The following PDE4D variants were observed in gnomAD, a reference collection of about 807,000 sequenced individuals.
PDE4D encodes the protein phosphodiesterase 4D.
In PDE4D, 24 loss-of-function variants were observed where a neutral mutation model predicts 87.4. That is an observed-to-expected ratio of 0.27 (90% CI 0.20 to 0.39). PDE4D has a LOEUF of 0.39. Among genes scored for constraint, PDE4D ranks in the 10% least tolerant of loss-of-function variants. The pLI, the probability that PDE4D is intolerant of heterozygous loss-of-function variation, is 1.00. For missense variants in PDE4D, 714 were observed against 1,041.0 expected (o/e 0.69, Z 4.32); for synonymous variants, 384 against 383.2 (o/e 1.00, Z -0.02).
chr5:60,327,874 T>A (rs1245396283), intron 1 of PDE4D, among the ~76,000 whole-genome samples: 1 of 152,120 alleles, frequency 6.6e-6, no homozygotes, highest in Admixed American at 6.6e-5. Context: ...ATTCAGTATA[T>A]GAAAATTCAT....
At chr5:59,681,066 T>A (rs1748916556) in intron 1 of PDE4D, among the ~76,000 whole-genome samples, 1 of 152,118 alleles carries the variant, frequency 6.6e-6, no homozygotes. Context: ...CTCCAAATTT[T>A]GATTTCTAAA....
chr5:60,220,664 A>G, intron 1 of PDE4D, among the ~76,000 whole-genome samples: 1 of 152,152 alleles, frequency 6.6e-6, no homozygotes, highest in East Asian at 1.9e-4. Flanking sequence ...TGCCATGAAC[A>G]TTGCAGAAAA....
At chr5:59,789,078 C>T (rs535466855) in intron 1 of PDE4D, among the ~76,000 whole-genome samples, 16 of 152,144 alleles carry the variant, frequency 1.1e-4, no homozygotes, top group Non-Finnish European at 1.9e-4. Flanking sequence ...TAGACAGCCA[C>T]GCGTTTTATA....
intron 1 of PDE4D, among the ~76,000 whole-genome samples, chr5:60,439,644 T>C (rs577219827): frequency 2.6e-5 from 4 of 152,254 alleles, no homozygotes; most frequent in African/African-American, 9.6e-5. Context: ...CATATCAAAT[T>C]GCTTTCTTTC....
At chr5:60,463,932 T>A (rs753743908) in intron 1 of PDE4D, among the ~76,000 whole-genome samples, 1 of 152,216 alleles carries the variant, frequency 6.6e-6, no homozygotes, top group African/African-American at 2.4e-5. Flanking sequence ...AATTTTAGAA[T>A]GGTTCCTCTT....
intron 5 of PDE4D, among the ~76,000 whole-genome samples, chr5:59,155,839 T>C (rs1435878215): frequency 6.6e-6 from 1 of 152,028 alleles, no homozygotes; most frequent in Non-Finnish European, 1.5e-5. Flanking sequence ...TGGATGTCAG[T>C]AAGAGACCTA....
chr5:60,291,454 T>A (rs772247092), intron 1 of PDE4D, among the ~76,000 whole-genome samples: 13 of 151,926 alleles, frequency 8.6e-5, no homozygotes, highest in Admixed American at 3.3e-4. Context: ...TTTACTTTTC[T>A]AAATTAAAAA....
At chr5:60,237,067 TA>T (rs1286157502) in intron 1 of PDE4D, among the ~76,000 whole-genome samples, 1 of 151,896 alleles carries the variant, frequency 6.6e-6, no homozygotes, top group Non-Finnish European at 1.5e-5. Flanking sequence ...TTTGAACTGC[TA>T]AAATAAAATA....
chr5:60,022,903 C>T (rs1033718327), intron 2 of PDE4D, among the ~76,000 whole-genome samples: 4 of 152,158 alleles, frequency 2.6e-5, no homozygotes, highest in East Asian at 1.9e-4. Flanking sequence ...TCAAAGACAC[C>T]GAGTCTCCCT....
rs529615226 is a variant in PDE4D, at chr5:59,347,772, A to C, written c.456-131804T>G. 9.5e-4 allele frequency among the ~76,000 whole-genome samples: 145 copies of C among 152,292 alleles called. 2 individuals carry two copies. The highest frequency in any genetic ancestry group is 3.3e-3 in the African/African-American group (137 of 41,568). The stretch of plus-strand genomic sequence containing the variant: ...TTTATAATAACAAAGAAGCAAAGGT[A>C]AATTCACTCAAGAGACTGGAGACTG... On this transcript the variant is annotated intron_variant, in intron 1 of 14. Coordinates refer to ENST00000340635, the MANE Select transcript of PDE4D (RefSeq NM_001104631.2).
At chr5:59,726,198 T>TA (rs1276681883) in intron 1 of PDE4D, among the ~76,000 whole-genome samples, 6 of 152,134 alleles carry the variant, frequency 3.9e-5, no homozygotes, top group Non-Finnish European at 8.8e-5. Flanking sequence ...CAGGCATATT[T>TA]AAAAATGAGT....
intron 11 of PDE4D, among the ~76,000 whole-genome samples, chr5:58,986,389 G>A (rs1277499629): frequency 3.3e-5 from 5 of 152,166 alleles, no homozygotes; most frequent in African/African-American, 1.2e-4. Flanking sequence ...CAAAGCCCAA[G>A]TGCCCTTTAA....
At chr5:59,373,822 T>C (rs1297075147) in intron 1 of PDE4D, among the ~76,000 whole-genome samples, 1 of 152,088 alleles carries the variant, frequency 6.6e-6, no homozygotes, top group Non-Finnish European at 1.5e-5. Flanking sequence ...TCAGACTAAC[T>C]GTGGACCTCT....
At chr5:59,187,594 A>G (rs1296219497) in intron 3 of PDE4D, among the ~76,000 whole-genome samples, 7 of 152,238 alleles carry the variant, frequency 4.6e-5, no homozygotes, top group African/African-American at 1.7e-4. Context: ...TAAAAAGTGA[A>G]AAAAGGAATC....
Position 59,600,073 on chromosome 5 carries a change from G to A in PDE4D, c.455+293095C>T, listed in dbSNP as rs73758819. Among the ~76,000 whole-genome samples the A allele has an allele frequency of 9.8e-3, 1,490 of 152,214 alleles. 24 individuals are homozygous for A. Among genetic ancestry groups the A allele is most frequent in the African/African-American group, 0.032 (1,339 of 41,534 alleles). On this transcript the variant is annotated intron_variant, in intron 1 of 14. Coordinates refer to ENST00000340635, the MANE Select transcript of PDE4D (RefSeq NM_001104631.2). ...TTTTCCAATTGCTGCTGATTAACCA[G>A]CACCCCCATCAAGGCCTTGGTTTTC...
Position 59,452,096 on chromosome 5 carries a change from T to G in PDE4D, c.456-236128A>C, listed in dbSNP as rs905860041. Reference sequence around the variant, plus strand: ...CTTTTTTTTAGTTCATCAGCTATTGTTAGTGTATTTTCTGTGTAGCCCAAG... The same window carrying G: ...CTTTTTTTTAGTTCATCAGCTATTGGTAGTGTATTTTCTGTGTAGCCCAAG... On this transcript the variant is annotated intron_variant, in intron 1 of 14. Transcript: ENST00000340635. Among the ~76,000 whole-genome samples, 10 of 152,202 alleles carry G rather than the reference T, an allele frequency of 6.6e-5. No homozygotes were observed. The East Asian group carries it at 1.5e-3, about 23-fold the overall frequency.
At chr5:60,229,382 A>G (rs1390685525) in intron 1 of PDE4D, among the ~76,000 whole-genome samples, 1 of 152,160 alleles carries the variant, frequency 6.6e-6, no homozygotes, top group Non-Finnish European at 1.5e-5. Flanking sequence ...TTTTTCTTAT[A>G]AAGCATTGTT....
chr5:59,625,664 C>T (rs1002804112), intron 1 of PDE4D, among the ~76,000 whole-genome samples: 1 of 152,134 alleles, frequency 6.6e-6, no homozygotes, highest in African/African-American at 2.4e-5. Flanking sequence ...ACATAAATTT[C>T]TCAATTTTTC....
At chr5:60,466,358 A>C (rs1282394274) in intron 1 of PDE4D, among the ~76,000 whole-genome samples, 6 of 152,178 alleles carry the variant, frequency 3.9e-5, no homozygotes, top group Non-Finnish European at 7.4e-5. Flanking sequence ...GCATTCATTT[A>C]AAAATTACTT....
Sources: gnomAD v4.1 joint callset for allele counts (sites outside exome capture counted in the v4.1 genomes callset) on GRCh38, gnomAD v4.1.1 for gene constraint, MANE v1.5 for transcripts, NCBI Gene and HGNC (gene_info 2026-07-23, HGNC 2026-07-21) for gene names.